Variants in CADPS2 observed in about 807,000 individuals in gnomAD.
CADPS2 encodes calcium dependent secretion activator 2.
Under a neutral mutation model 172.5 loss-of-function variants are expected in CADPS2, and 93 were observed. The ratio of observed to expected loss-of-function variants is 0.54; its 90% CI spans 0.46 to 0.64. The LOEUF (loss-of-function observed/expected upper bound fraction) is 0.64, where lower values mean the gene tolerates loss of function less well. CADPS2 is among the 30% of genes least tolerant of loss of function. The pLI is 0.00. For missense variants in CADPS2, 1,420 were observed against 1,565.9 expected (o/e 0.91, Z 1.57); for synonymous variants, 546 against 555.2 (o/e 0.98, Z 0.23).
At chr7:122,709,324 C>T (rs1462333712) in intron 2 of CADPS2, among the ~76,000 whole-genome samples, 2 of 152,024 alleles carry the variant, frequency 1.3e-5, no homozygotes, top group Non-Finnish European at 2.9e-5. Context: ...CATCACTGGC[C>T]ATCAGAGAAA....
intron 1 of CADPS2, among the ~76,000 whole-genome samples, chr7:122,869,078 T>A (rs937534108): frequency 6.6e-6 from 1 of 151,970 alleles, no homozygotes; most frequent in Non-Finnish European, 1.5e-5. Flanking sequence ...ATCAAGTGAA[T>A]AAACTATGCA....
At chr7:122,793,774 C>T (rs1002478264) in intron 1 of CADPS2, among the ~76,000 whole-genome samples, 3 of 152,104 alleles carry the variant, frequency 2.0e-5, no homozygotes, top group African/African-American at 7.2e-5. Context: ...AATGATCTTT[C>T]CTTTCCAGAC....
chr7:122,339,909 T>C (rs1474613808), intron 28 of CADPS2, among the ~76,000 whole-genome samples: 1 of 152,060 alleles, frequency 6.6e-6, no homozygotes, highest in Non-Finnish European at 1.5e-5. Context: ...TCTGGGCATT[T>C]CCCCCTTTCT....
chr7:122,719,980 T>C lies in CADPS2; in HGVS notation c.453+16975A>G, dbSNP rs187517617. ...AAAGAACTTGCTCAATAAAGAGTTATTGGAATGGAAACTCTAATTATTAAA... is the reference window on the plus strand; with the variant it reads ...AAAGAACTTGCTCAATAAAGAGTTACTGGAATGGAAACTCTAATTATTAAA... On this transcript the variant is annotated intron_variant, in intron 2 of 29. Transcript: ENST00000449022. Among the ~76,000 whole-genome samples, 172 of 152,212 alleles carry C rather than the reference T, an allele frequency of 1.1e-3. 4 individuals are homozygous for C. The highest frequency in any genetic ancestry group is 4.0e-3 in the African/African-American group (168 of 41,564).
At chr7:122,391,837 AAC>A (rs1199418205) in intron 22 of CADPS2, among the ~76,000 whole-genome samples, 1 of 152,120 alleles carries the variant, frequency 6.6e-6, no homozygotes, top group Non-Finnish European at 1.5e-5. Context: ...CAAGTTCTTA[AAC>A]ACAACGTTCT....
At chr7:122,755,731 A>G (rs1009013621) in intron 1 of CADPS2, among the ~76,000 whole-genome samples, 3 of 143,854 alleles carry the variant, frequency 2.1e-5, no homozygotes, top group Non-Finnish European at 4.6e-5. Flanking sequence ...AGAGAGGCTA[A>G]AAAAAAAAAA....
intron 17 of CADPS2, among the ~76,000 whole-genome samples, chr7:122,416,871 G>A (rs563908377): frequency 6.6e-6 from 1 of 152,298 alleles, no homozygotes; most frequent in African/African-American, 2.4e-5. Flanking sequence ...AGGCAAAGTA[G>A]TTATTTTCTA....
chr7:122,734,356 T>TAAAAAAAAAAA lies in CADPS2; in HGVS notation c.453+2588_453+2598dup, dbSNP rs558421546. Among the ~76,000 whole-genome samples, 36 of 46,280 alleles carry TAAAAAAAAAAA rather than the reference T, an allele frequency of 7.8e-4. 5 individuals are homozygous for TAAAAAAAAAAA. Among genetic ancestry groups the TAAAAAAAAAAA allele is most frequent in the East Asian group, 3.1e-3 (3 of 970 alleles). The allele number at this position is 46,280 out of a possible 152,430, so 30.4% of individuals were successfully genotyped here. On this transcript the variant is annotated intron_variant, in intron 2 of 29. Coordinates refer to ENST00000449022, the MANE Select transcript of CADPS2 (RefSeq NM_017954.11). ...AATAACGATAGCATGCCAGAAATAG[T>TAAAAAAAAAAA]AAAAAAAAAAAAAAAAAAAAAAAAA...
rs577188358 is a variant in CADPS2, at chr7:122,571,085, A to G, written c.1335+10094T>C. On this transcript the variant is annotated intron_variant, in intron 7 of 29. Coordinates refer to ENST00000449022, the MANE Select transcript of CADPS2 (RefSeq NM_017954.11). ...ATAACAGGACAAGCCAAAGACTGAG[A>G]GAAAAGTATTTATATCACACTCTCA... 2.0e-5 allele frequency among the ~76,000 whole-genome samples: 3 copies of G among 152,254 alleles called. No individual in the cohort carries two copies. The South Asian group carries it at 6.2e-4, about 32-fold the overall frequency.
In CADPS2 at chr7:122,717,336, G is replaced by T. The variant is rs1230496189; in HGVS notation, c.453+19619C>A. 2.0e-5 allele frequency among the ~76,000 whole-genome samples: 3 copies of T among 152,142 alleles called. No homozygotes were observed. In the East Asian group the frequency reaches 5.8e-4, roughly 29 times the overall value. ...TGGCAACTTCAAAGATGTGTAAATT[G>T]AGGGTAAAAACACATAAAAACCAGA... On this transcript the variant is annotated intron_variant, in intron 2 of 29. Coordinates refer to ENST00000449022, the MANE Select transcript of CADPS2 (RefSeq NM_017954.11).
chr7:122,452,433 T>C (rs1191770136), intron 14 of CADPS2, among the ~76,000 whole-genome samples: 2 of 152,244 alleles, frequency 1.3e-5, no homozygotes, highest in African/African-American at 2.4e-5. Flanking sequence ...TTTGCTCTTG[T>C]TGCCCAGGCT....
In CADPS2 at chr7:122,470,531, G is replaced by A. The variant is rs73431595; in HGVS notation, c.2186+844C>T. On this transcript the variant is annotated intron_variant, in intron 14 of 29. Coordinates refer to ENST00000449022, the MANE Select transcript of CADPS2 (RefSeq NM_017954.11). The stretch of plus-strand genomic sequence containing the variant: ...TATTTTTTAAGACAGAGCCTGTTCT[G>A]TTACCTAGGCTGGAGTGCAGTGGCA... 3.8e-3 allele frequency among the ~76,000 whole-genome samples: 576 copies of A among 152,054 alleles called. 4 individuals are homozygous for A. Among genetic ancestry groups the A allele is most frequent in the Middle Eastern group, 0.027 (8 of 294 alleles).
At chr7:122,404,004 T>A (rs1409109064) in intron 20 of CADPS2, among the ~76,000 whole-genome samples, 5 of 152,344 alleles carry the variant, frequency 3.3e-5, no homozygotes, top group Middle Eastern at 3.4e-3. Flanking sequence ...TTGTTTTTTT[T>A]ATTATACTTA....
At chr7:122,694,736 T>C (rs753195476) in intron 2 of CADPS2, among the ~76,000 whole-genome samples, 1 of 152,222 alleles carries the variant, frequency 6.6e-6, no homozygotes, top group Non-Finnish European at 1.5e-5. Context: ...AATCTTTATT[T>C]TTCATCATTA....
intron 17 of CADPS2, among the ~76,000 whole-genome samples, chr7:122,420,136 A>C (rs2048372731): frequency 1.3e-5 from 2 of 152,172 alleles, no homozygotes; most frequent in African/African-American, 4.8e-5. Flanking sequence ...ATAATATTAC[A>C]ATGACTTGAA....
At chr7:122,839,873 A>G (rs367608032) in intron 1 of CADPS2, among the ~76,000 whole-genome samples, 2,449 of 152,286 alleles carry the variant, frequency 0.016, 60 homozygotes, top group African/African-American at 0.054. Flanking sequence ...ACAGTGTGGC[A>G]ATTCCTCAAG....
chr7:122,671,186 C>T (rs896720783), intron 2 of CADPS2, among the ~76,000 whole-genome samples: 1 of 152,128 alleles, frequency 6.6e-6, no homozygotes, highest in Admixed American at 6.5e-5. Context: ...ATCTCTTTTC[C>T]TCACTGGACA....
At chr7:122,367,913 C>G (rs987890709) in intron 25 of CADPS2, among the ~76,000 whole-genome samples, 1 of 151,832 alleles carries the variant, frequency 6.6e-6, no homozygotes, top group Non-Finnish European at 1.5e-5. Flanking sequence ...GGTTCATGGT[C>G]TCTATCCTCC....
At chr7:122,511,834 G>T (rs970399248) in intron 9 of CADPS2, among the ~76,000 whole-genome samples, 9 of 152,128 alleles carry the variant, frequency 5.9e-5, no homozygotes, top group Admixed American at 2.0e-4. Flanking sequence ...AATGTGTCCA[G>T]AAGTATCTAT....
Sources: allele counts gnomAD v4.1 joint callset (sites outside exome capture counted in the v4.1 genomes callset), GRCh38; gene constraint gnomAD v4.1.1; transcripts MANE v1.5; gene names NCBI Gene and HGNC (gene_info 2026-07-23, HGNC 2026-07-21).